The following KLHL14 variants were observed in gnomAD, a reference collection of about 807,000 sequenced individuals.
The protein encoded by KLHL14 is kelch-like protein 14.
Under a neutral mutation model 64.3 loss-of-function variants are expected in KLHL14, and 22 were observed. That is an observed-to-expected ratio of 0.34 (90% CI 0.24 to 0.49). KLHL14 has a LOEUF of 0.49. Ranked by LOEUF, KLHL14 falls within the 20% of genes least tolerant of loss-of-function variation. KLHL14 has a pLI of 0.99. For synonymous variants in KLHL14, 322 were observed against 333.4 expected, an observed-to-expected ratio of 0.97 and a Z score of 0.37; for missense variants, 661 against 789.0, an observed-to-expected ratio of 0.84 and a Z score of 1.94.
At chr18:32,749,274 G>A (rs1024583987) in intron 2 of KLHL14, among the ~76,000 whole-genome samples, 5 of 152,132 alleles carry the variant, frequency 3.3e-5, no homozygotes, top group Admixed American at 1.3e-4. Flanking sequence ...GTAGCAAAGC[G>A]ATCCAGAGTA....
At chr18:32,719,946 C>T (rs182884815) in intron 3 of KLHL14, among the ~76,000 whole-genome samples, 2 of 152,310 alleles carry the variant, frequency 1.3e-5, no homozygotes, top group East Asian at 1.9e-4. Flanking sequence ...ATGTAACTGA[C>T]TAATTTATGT....
intron 3 of KLHL14, among the ~76,000 whole-genome samples, chr18:32,726,871 T>G (rs2144516058): frequency 6.6e-6 from 1 of 152,282 alleles, no homozygotes; most frequent in Admixed American, 6.5e-5. Context: ...ATGATGCTAC[T>G]AACCCACTTT....
At chr18:32,762,001 T>G (rs567687200) in intron 2 of KLHL14, among the ~76,000 whole-genome samples, 2 of 152,170 alleles carry the variant, frequency 1.3e-5, no homozygotes, top group Non-Finnish European at 2.9e-5. Context: ...TGAATGCAGT[T>G]ATATGTTTAT....
intron 3 of KLHL14, among the ~76,000 whole-genome samples, chr18:32,698,486 C>G (rs2049947334): frequency 6.6e-6 from 1 of 152,132 alleles, no homozygotes; most frequent in Admixed American, 6.5e-5. Context: ...TGGAGACAGA[C>G]AGGTGGGGCT....
chr18:32,735,876 A>G (rs955960120), intron 3 of KLHL14, among the ~76,000 whole-genome samples: 11 of 152,158 alleles, frequency 7.2e-5, no homozygotes, highest in African/African-American at 2.7e-4. Flanking sequence ...AAATGAATGA[A>G]ATGAGTGTGT....
chr18:32,682,912 ATTTCAC>A (rs2049849804), intron 5 of KLHL14, among the ~76,000 whole-genome samples: 1 of 152,126 alleles, frequency 6.6e-6, no homozygotes, highest in African/African-American at 2.4e-5. Flanking sequence ...GCATTTTCTT[ATTTCAC>A]TAATGGGCCA....
chr18:32,753,768 T>C lies in KLHL14; in HGVS notation c.948-11719A>G, dbSNP rs181096043. On this transcript the variant is annotated intron_variant, in intron 2 of 8. Coordinates refer to ENST00000359358, the MANE Select transcript of KLHL14 (RefSeq NM_020805.3). ...CAGCCAAGTTTATACTCACTGCATT[T>C]CCCCCTCCTTCTCCACCTCCCAGAT... 1.8e-4 allele frequency among the ~76,000 whole-genome samples: 27 copies of C among 152,326 alleles called. No individual in the cohort carries two copies. In the East Asian group the frequency reaches 5.2e-3, roughly 29 times the overall value.
intron 3 of KLHL14, among the ~76,000 whole-genome samples, chr18:32,720,340 G>A (rs994455978): frequency 1.3e-5 from 2 of 152,180 alleles, no homozygotes; most frequent in South Asian, 2.1e-4. Flanking sequence ...TAGTGACAGC[G>A]CTTATGGTCA....
At chr18:32,744,308 T>C (rs1404439387) in intron 2 of KLHL14, 1 of 151,984 alleles carries the variant, frequency 6.6e-6, no homozygotes, top group Non-Finnish European at 1.5e-5. Flanking sequence ...AACCCCCGTC[T>C]CTACTAAAAA....
At chr18:32,753,227 C>T (rs10502609) in intron 2 of KLHL14, among the ~76,000 whole-genome samples, 36,629 of 152,000 alleles carry the variant, frequency 0.24, 5,191 homozygotes, top group Non-Finnish European at 0.32. Flanking sequence ...TACTTGGGGA[C>T]GCACTATAAG....
chr18:32,700,361 A>G (rs947418957), intron 3 of KLHL14, among the ~76,000 whole-genome samples: 1 of 152,178 alleles, frequency 6.6e-6, no homozygotes, highest in African/African-American at 2.4e-5. Flanking sequence ...ATTAATGCCC[A>G]TGGTAAAAAT....
chr18:32,677,562 CA>C (rs1461881217), intron 7 of KLHL14, among the ~76,000 whole-genome samples: 1 of 152,172 alleles, frequency 6.6e-6, no homozygotes, highest in African/African-American at 2.4e-5. Flanking sequence ...GAGCAGATGT[CA>C]TTAGCAAAGG....
intron 3 of KLHL14, among the ~76,000 whole-genome samples, chr18:32,707,220 C>T (rs1443451730): frequency 2.0e-5 from 3 of 152,190 alleles, no homozygotes; most frequent in African/African-American, 7.2e-5. Flanking sequence ...TCAGTTGCCT[C>T]CTGAGGAGCA....
chr18:32,691,547 C>G (rs1335881790), intron 4 of KLHL14, among the ~76,000 whole-genome samples: 1 of 152,002 alleles, frequency 6.6e-6, no homozygotes, highest in Non-Finnish European at 1.5e-5. Flanking sequence ...CCAGACCCCC[C>G]AAAGAAGATG....
intron 2 of KLHL14, among the ~76,000 whole-genome samples, chr18:32,762,616 G>C (rs1164161449): frequency 2.6e-5 from 4 of 151,978 alleles, no homozygotes; most frequent in Non-Finnish European, 5.9e-5. Context: ...AAACCTCTCT[G>C]CTATTTACAG....
chr18:32,761,258 T>C (rs1029330125), intron 2 of KLHL14, among the ~76,000 whole-genome samples: 8 of 152,192 alleles, frequency 5.3e-5, no homozygotes, highest in African/African-American at 1.9e-4. Flanking sequence ...TATTACTTCT[T>C]TTTTCAGTTC....
chr18:32,698,750 T>A (rs760363841), intron 3 of KLHL14, among the ~76,000 whole-genome samples: 7 of 152,096 alleles, frequency 4.6e-5, no homozygotes, highest in Non-Finnish European at 8.8e-5. Flanking sequence ...AGCCAGAAAA[T>A]TGGAGAAGAA....
intron 3 of KLHL14, among the ~76,000 whole-genome samples, 171 bp downstream of exon 3, chr18:32,741,757 A>C (rs570849176): frequency 3.0e-4 from 45 of 152,316 alleles, no homozygotes; most frequent in East Asian, 9.6e-4. Context: ...CCACCTCTGC[A>C]ATGTTAATTT....
At chr18:32,740,276 C>T (rs1434862783) in intron 3 of KLHL14, among the ~76,000 whole-genome samples, 2 of 152,182 alleles carry the variant, frequency 1.3e-5, no homozygotes. Flanking sequence ...CAATGTTTAA[C>T]AATCAACCTA....
Sources: gnomAD v4.1 joint callset for allele counts (sites outside exome capture counted in the v4.1 genomes callset) on GRCh38, gnomAD v4.1.1 for gene constraint, MANE v1.5 for transcripts, NCBI Gene and HGNC (gene_info 2026-07-23, HGNC 2026-07-21) for gene names.